DNAH5: variants seen among roughly 807,000 people sequenced by gnomAD.
DNAH5 encodes axonemal beta dynein heavy chain 5.
A neutral mutation model predicts 518.2 loss-of-function variants in DNAH5; 372 were observed. The ratio of observed to expected loss-of-function variants is 0.72; its 90% CI spans 0.66 to 0.78. The LOEUF (loss-of-function observed/expected upper bound fraction) is 0.78, where lower values mean the gene tolerates loss of function less well. Among genes scored for constraint, DNAH5 ranks in the 30% least tolerant of loss-of-function variants. The pLI, the probability that DNAH5 is intolerant of heterozygous loss-of-function variation, is 0.00. For synonymous variants in DNAH5, 2,039 were observed against 2,025.9 expected (o/e 1.01, Z -0.17); for missense variants, 5,523 against 5,687.0 (o/e 0.97, Z 0.93).
chr5:13,774,002 T>C (rs1453868645), intron 55 of DNAH5, among the ~76,000 whole-genome samples: 4 of 151,750 alleles, frequency 2.6e-5, no homozygotes, highest in African/African-American at 9.7e-5. Context: ...GGGAGGTAGG[T>C]AGGATCAGCT....
In DNAH5 at chr5:13,701,264, G is replaced by A. The variant is rs545250096; in HGVS notation, c.13491+20C>T. 6.2e-7 allele frequency: 1 copy of A among 1,613,854 alleles called. No homozygotes were observed. Among genetic ancestry groups the A allele is most frequent in the South Asian group, 1.1e-5 (1 of 91,060 alleles). On this transcript the variant is annotated intron_variant, in intron 77 of 78. Coordinates refer to ENST00000265104, the MANE Select transcript of DNAH5 (RefSeq NM_001369.3). The stretch of plus-strand genomic sequence containing the variant: ...GAGGAAAATTATAATAACGCAACGG[G>A]TGCAAATCAGAGCTCTTACCTGTCG...
chr5:13,785,310 C>T (rs2126863726), intron 52 of DNAH5, among the ~76,000 whole-genome samples: 1 of 152,182 alleles, frequency 6.6e-6, no homozygotes, highest in Middle Eastern at 3.4e-3. Context: ...TCACCTGCTG[C>T]TCACCTCCTG....
intron 1 of DNAH5, among the ~76,000 whole-genome samples, chr5:13,958,086 G>C (rs1195742459): frequency 6.6e-6 from 1 of 151,334 alleles, no homozygotes; most frequent in African/African-American, 2.4e-5. Context: ...CAATTACATA[G>C]GCCTTGATTT....
intron 78 of DNAH5, 103 bp from the exon 79 acceptor site, chr5:13,692,238 A>T: frequency 7.5e-7 from 1 of 1,339,972 alleles, no homozygotes; most frequent in Non-Finnish European, 1.1e-6. Flanking sequence ...TTTCAAAAAC[A>T]GATGGGTTTG....
At chr5:13,875,298 T>A (rs1160937527) in intron 22 of DNAH5, among the ~76,000 whole-genome samples, 1 of 151,932 alleles carries the variant, frequency 6.6e-6, no homozygotes, top group Non-Finnish European at 1.5e-5. Context: ...TAAAACCCTG[T>A]CTCTACTAAA....
intron 4 of DNAH5, 152 bp downstream of exon 4, chr5:13,923,128 A>T: frequency 1.0e-6 from 1 of 988,490 alleles, no homozygotes; most frequent in Non-Finnish European, 1.6e-6. Context: ...ATGTCCTCTT[A>T]ATTTCTTGCT....
intron 21 of DNAH5, among the ~76,000 whole-genome samples, chr5:13,877,594 C>T (rs1250889180): frequency 1.3e-5 from 2 of 152,180 alleles, no homozygotes; most frequent in African/African-American, 4.8e-5. Context: ...GGAGAGACTC[C>T]TGCTTATGTT....
Position 13,920,551 on chromosome 5 carries a change from G to C in DNAH5, c.727C>G (p.Leu243Val), listed in dbSNP as rs761877376. ...TLKEPTDYLTLANNPETLGKI... is the reference protein window; with the variant it reads ...TLKEPTDYLTVANNPETLGKI... Reference sequence around the variant, plus strand: ...CCCAAAGTCTCAGGGTTATTTGCTAGAGTCAAGTAGTCCGTAGGTTCCTTT... The same window carrying C: ...CCCAAAGTCTCAGGGTTATTTGCTACAGTCAAGTAGTCCGTAGGTTCCTTT... Residue 243 changes from leucine to valine, a missense_variant, in exon 6 of 79, where the codon CTA (leucine) becomes GTA (valine). Leu to Val is a conservative substitution (Grantham distance 32). Coordinates refer to ENST00000265104, the MANE Select transcript of DNAH5 (RefSeq NM_001369.3). The C allele has an allele frequency of 2.9e-5, 47 of 1,614,058 alleles. No homozygotes were observed. In the Middle Eastern group the frequency reaches 6.6e-4, roughly 23 times the overall value.
chr5:13,850,218 C>T (rs895960700), intron 31 of DNAH5, among the ~76,000 whole-genome samples: 2 of 152,120 alleles, frequency 1.3e-5, no homozygotes, highest in Non-Finnish European at 2.9e-5. Context: ...ATTCACAACG[C>T]TTCTGTACAC....
At chr5:13,823,429 A>G in intron 39 of DNAH5, 59 bp from the exon 40 acceptor site, 1 of 1,141,424 alleles carries the variant, frequency 8.8e-7, no homozygotes, top group Non-Finnish European at 1.3e-6. Context: ...ATCAATATGC[A>G]GATAAACTGG....
chr5:13,712,170 A>T (rs1392092053), intron 75 of DNAH5, among the ~76,000 whole-genome samples: 16 of 152,198 alleles, frequency 1.1e-4, no homozygotes, highest in South Asian at 8.3e-4. Context: ...AAACCCAAAT[A>T]CTTACAGCCA....
At chr5:13,901,601 G>C (rs753586360) in intron 13 of DNAH5, 28 bp from the exon 14 acceptor site, 1 of 1,386,254 alleles carries the variant, frequency 7.2e-7, no homozygotes, top group Non-Finnish European at 1.0e-6. Flanking sequence ...TTAAAAGCTT[G>C]AATTAATGGA....
At chr5:13,910,977 G>A (rs1408743462) in intron 12 of DNAH5, among the ~76,000 whole-genome samples, 1 of 152,220 alleles carries the variant, frequency 6.6e-6, no homozygotes, top group African/African-American at 2.4e-5. Flanking sequence ...CGTTTCTAAG[G>A]CCAGTGGCAG....
At chr5:13,975,532 A>G (rs148649843) in intron 1 of DNAH5, among the ~76,000 whole-genome samples, 16 of 152,334 alleles carry the variant, frequency 1.1e-4, no homozygotes, top group South Asian at 6.2e-4. Context: ...CAGAATGGAC[A>G]GGGCGAAAAT....
At chr5:13,880,194 A>T (rs1771464165) in intron 21 of DNAH5, among the ~76,000 whole-genome samples, 1 of 152,180 alleles carries the variant, frequency 6.6e-6, no homozygotes, top group South Asian at 2.1e-4. Context: ...ATACTATATC[A>T]AGCAATTCTA....
intron 41 of DNAH5, among the ~76,000 whole-genome samples, chr5:13,818,247 T>A (rs1276113451): frequency 6.6e-6 from 1 of 152,252 alleles, no homozygotes; most frequent in Non-Finnish European, 1.5e-5. Flanking sequence ...TGGGATTCTG[T>A]GCATAAGGGA....
chr5:13,798,793 G>C (rs768755313), intron 47 of DNAH5, among the ~76,000 whole-genome samples: 1 of 141,076 alleles, frequency 7.1e-6, no homozygotes, highest in Non-Finnish European at 1.6e-5. Context: ...TATTTATTTT[G>C]AGACAGTGTC....
At chr5:13,809,808 T>C (rs2127010770) in intron 45 of DNAH5, among the ~76,000 whole-genome samples, 1 of 152,364 alleles carries the variant, frequency 6.6e-6, no homozygotes, top group East Asian at 1.9e-4. Flanking sequence ...TGATTTGGTT[T>C]TTTAAATGTT....
intron 3 of DNAH5, among the ~76,000 whole-genome samples, chr5:13,925,245 C>A (rs1047414464): frequency 6.6e-6 from 1 of 151,986 alleles, no homozygotes; most frequent in East Asian, 1.9e-4. Context: ...AAGGCACCAA[C>A]GCATGATAGA....
Sources: allele counts gnomAD v4.1 joint callset (sites outside exome capture counted in the v4.1 genomes callset), GRCh38; gene constraint gnomAD v4.1.1; transcripts MANE v1.5; gene names NCBI Gene and HGNC (gene_info 2026-07-23, HGNC 2026-07-21).